OBP2B: variants seen among roughly 807,000 people sequenced by gnomAD.
The protein encoded by OBP2B is odorant binding protein 2B.
Under a neutral mutation model 21.7 loss-of-function variants are expected in OBP2B, and 10 were observed. The ratio of observed to expected loss-of-function variants is 0.46; its 90% CI spans 0.28 to 0.78. OBP2B has a LOEUF of 0.78. Among genes scored for constraint, OBP2B ranks in the 30% least tolerant of loss-of-function variants. The pLI, the probability that OBP2B is intolerant of heterozygous loss-of-function variation, is 0.11. For missense variants in OBP2B, 153 were observed against 217.7 expected, an observed-to-expected ratio of 0.70 and a Z score of 1.87; for synonymous variants, 73 against 91.5, an observed-to-expected ratio of 0.80 and a Z score of 1.16.
At chr9:133,210,781 C>A (rs1190808276), upstream of OBP2B, among the ~76,000 whole-genome samples, 1 of 152,232 alleles carries the variant, frequency 6.6e-6, no homozygotes, top group South Asian at 2.1e-4. Context: ...TGCCCTGTGT[C>A]CCAGTCTCAT....
At chr9:133,222,101 G>T in the OBP2B span, among the ~76,000 whole-genome samples, 1 of 151,612 alleles carries the variant, frequency 6.6e-6, no homozygotes, top group African/African-American at 2.4e-5. Context: ...GTGGACCCAA[G>T]CTGAGTGTGT....
chr9:133,218,401 A>C, the OBP2B span, among the ~76,000 whole-genome samples: 1 of 152,240 alleles, frequency 6.6e-6, no homozygotes, highest in African/African-American at 2.4e-5. Flanking sequence ...GACAAAGGCA[A>C]GCTGTGACTT....
At chr9:133,222,679 C>T in the OBP2B span, among the ~76,000 whole-genome samples, 6 of 152,104 alleles carry the variant, frequency 3.9e-5, no homozygotes, top group South Asian at 8.3e-4. Context: ...TGCAGTAAGC[C>T]GAGATCGTGC....
upstream of OBP2B, among the ~76,000 whole-genome samples, chr9:133,212,412 A>G (rs1368545360): frequency 6.6e-6 from 1 of 152,200 alleles, no homozygotes; most frequent in Non-Finnish European, 1.5e-5. Flanking sequence ...ACCAAGATAG[A>G]CCATATCCTG....
At chr9:133,210,018 C>A (rs1225692834), upstream of OBP2B, among the ~76,000 whole-genome samples, 1 of 152,156 alleles carries the variant, frequency 6.6e-6, no homozygotes, top group African/African-American at 2.4e-5. Context: ...CTCTCGTCAG[C>A]TTTGACGGCC....
the OBP2B span, among the ~76,000 whole-genome samples, chr9:133,221,462 A>G: frequency 6.6e-6 from 1 of 152,182 alleles, no homozygotes; most frequent in East Asian, 1.9e-4. Flanking sequence ...TGACACCACA[A>G]TTCCCTAAAT....
upstream of OBP2B, among the ~76,000 whole-genome samples, chr9:133,210,422 C>T (rs529819651): frequency 2.6e-5 from 4 of 152,258 alleles, no homozygotes; most frequent in Admixed American, 6.5e-5. Context: ...ACCCCTCCCA[C>T]GGCAAGTGCT....
In OBP2B at chr9:133,205,957, A is replaced by T; in HGVS notation, c.491-17T>A. On this transcript the variant is annotated splice_polypyrimidine_tract_variant and intron_variant, in intron 5 of 6. Coordinates refer to ENST00000372034, the MANE Select transcript of OBP2B (RefSeq NM_014581.4). ...CGCAGCTTCCTGCAGAGACCAAGAA[A>T]AACCCAGGGATTAGAAGGCGCCCTA... is the stretch of plus-strand genomic sequence containing the variant. The T allele has an allele frequency of 1.2e-6, 2 of 1,613,902 alleles. No individual in the cohort carries two copies. Among genetic ancestry groups the T allele is most frequent in the Non-Finnish European group, 1.7e-6 (2 of 1,179,808 alleles).
chr9:133,216,626 C>T, the OBP2B span, among the ~76,000 whole-genome samples: 1 of 152,180 alleles, frequency 6.6e-6, no homozygotes, highest in East Asian at 1.9e-4. Context: ...CATCCTCCAA[C>T]AGGTGAATAG....
At chr9:133,205,997 C>A in intron 5 of OBP2B, 57 bp from the exon 6 acceptor site, 1 of 1,612,734 alleles carries the variant, frequency 6.2e-7, no homozygotes. Flanking sequence ...AGGGCCCAGA[C>A]CCCATCGCAG....
chr9:133,215,809 A>G, the OBP2B span, among the ~76,000 whole-genome samples: 2 of 152,254 alleles, frequency 1.3e-5, no homozygotes, highest in South Asian at 4.1e-4. Flanking sequence ...TTTTACAAAG[A>G]TGCAAAAGCA....
upstream of OBP2B, among the ~76,000 whole-genome samples, chr9:133,212,758 C>T: frequency 6.6e-6 from 1 of 151,298 alleles, no homozygotes; most frequent in East Asian, 2.0e-4. Flanking sequence ...TGGCGAAAAC[C>T]CATCTCTACC....
intron 3 of OBP2B, 51 bp from the exon 4 acceptor site, chr9:133,207,387 AC>A: frequency 4.2e-6 from 5 of 1,199,218 alleles, no homozygotes; most frequent in Non-Finnish European, 6.1e-6. Context: ...ACTCGGGGCC[AC>A]ATGAAGAAAC....
the OBP2B span, among the ~76,000 whole-genome samples, chr9:133,215,228 T>C: frequency 6.6e-6 from 1 of 152,212 alleles, no homozygotes; most frequent in Non-Finnish European, 1.5e-5. Flanking sequence ...ATGCTGGATT[T>C]GTATGCTGAA....
At chr9:133,221,347 C>T in the OBP2B span, among the ~76,000 whole-genome samples, 1 of 152,204 alleles carries the variant, frequency 6.6e-6, no homozygotes, top group Non-Finnish European at 1.5e-5. Flanking sequence ...AACCACAGGG[C>T]TTTCTCAGGT....
At chr9:133,210,277 T>C (rs1833889213), upstream of OBP2B, among the ~76,000 whole-genome samples, 1 of 152,176 alleles carries the variant, frequency 6.6e-6, no homozygotes, top group East Asian at 1.9e-4. Context: ...AGGCAGGTGC[T>C]GGACCCACAC....
intron 6 of OBP2B, 93 bp from the exon 7 acceptor site, chr9:133,205,504 A>T: frequency 1.1e-6 from 1 of 892,118 alleles, no homozygotes; most frequent in Non-Finnish European, 1.7e-6. Context: ...CAGCCCCCAC[A>T]TCGGCCACTG....
upstream of OBP2B, chr9:133,209,293 GC>G (rs1241031266): frequency 8.4e-7 from 1 of 1,188,320 alleles, no homozygotes; most frequent in African/African-American, 1.5e-5. This position sits in a 1 kb window ranked among gnomAD's most constrained non-coding sequence, Gnocchi z 6.0. Flanking sequence ...TAGCCCCCTG[GC>G]CAGTGTCCTG....
At chr9:133,209,461 C>A (rs568739022), upstream of OBP2B, among the ~76,000 whole-genome samples, 4 of 152,162 alleles carry the variant, frequency 2.6e-5, no homozygotes, top group African/African-American at 9.7e-5. This position sits in a 1 kb window ranked among gnomAD's most constrained non-coding sequence, Gnocchi z 6.0. Flanking sequence ...ACCACCCGAA[C>A]GCGCCCACTC....
Sources: gnomAD v4.1 joint callset for allele counts (sites outside exome capture counted in the v4.1 genomes callset) on GRCh38, gnomAD v4.1.1 for gene constraint, Gnocchi (gnomAD v3.1) non-coding constraint, MANE v1.5 for transcripts, NCBI Gene and HGNC (gene_info 2026-07-23, HGNC 2026-07-21) for gene names.